RXRA: variants seen among roughly 807,000 people sequenced by gnomAD.
The protein encoded by RXRA is retinoid X receptor alpha, also known as retinoic acid receptor RXR-alpha.
Under a neutral mutation model 44.5 loss-of-function variants are expected in RXRA, and 5 were observed. The observed-to-expected ratio is 0.11, with a 90% confidence interval of 0.06 to 0.24. The LOEUF is 0.24. RXRA is among the 10% of genes least tolerant of loss of function. The pLI, the probability that RXRA is intolerant of heterozygous loss-of-function variation, is 1.00. For missense variants in RXRA, 412 were observed against 646.5 expected (o/e 0.64, Z 3.93); for synonymous variants, 291 against 271.4 (o/e 1.07, Z -0.71).
At chr9:134,358,729 A>G (rs1830314710) in intron 1 of RXRA, among the ~76,000 whole-genome samples, 1 of 152,024 alleles carries the variant, frequency 6.6e-6, no homozygotes, top group Middle Eastern at 3.2e-3. Context: ...TGCCTGAGAC[A>G]AGCAGTTTCC....
rs1229866982 is a variant in RXRA, at chr9:134,439,951, A to T, written c.*3337A>T. 1 of 152,418 alleles carries T rather than the reference A, an allele frequency of 6.6e-6. No individual in the cohort carries two copies. Among genetic ancestry groups the T allele is most frequent in the African/African-American group, 2.4e-5 (1 of 41,440 alleles). The allele number at this position is 152,418 out of a possible 1,614,324, so 9.4% of individuals were successfully genotyped here. A position where few individuals can be genotyped will look rare whatever the true frequency, so the allele number is the denominator to read the frequency against. On this transcript the variant is annotated 3_prime_UTR_variant, in exon 10 of 10. Coordinates refer to ENST00000481739, the MANE Select transcript of RXRA (RefSeq NM_002957.6). ...AGGCAGGAGATGCATCTATTTTAAG[A>T]TGCTTTGGAGCAGACAGCTTTAGCC...
intron 7 of RXRA, 137 bp downstream of exon 7, chr9:134,429,377 G>A (rs1831491857): frequency 1.8e-5 from 17 of 955,396 alleles, no homozygotes; most frequent in Non-Finnish European, 2.6e-5. Context: ...CATGGAAAAA[G>A]AGAAAAGCAT....
rs1830192092 is a variant in RXRA at position 134,349,272 on chromosome 9, C to G, written c.28+22613C>G. 1.3e-5 allele frequency among the ~76,000 whole-genome samples: 2 copies of G among 152,180 alleles called. No homozygotes were observed. The highest frequency in any genetic ancestry group is 4.1e-4 in the South Asian group (2 of 4,828). ...TTCCTCATGCTGGGCACATGGGGAGCCCTGCTGACCCCTGTTCTGCACCTG... is the reference window on the plus strand; with the variant it reads ...TTCCTCATGCTGGGCACATGGGGAGGCCTGCTGACCCCTGTTCTGCACCTG... On this transcript the variant is annotated intron_variant, in intron 1 of 9. Transcript: ENST00000481739. This position sits in a 1 kb window ranked among gnomAD's most constrained non-coding sequence, Gnocchi z 4.3.
chr9:134,374,799 A>G (rs1163985605), intron 1 of RXRA, among the ~76,000 whole-genome samples: 1 of 152,224 alleles, frequency 6.6e-6, no homozygotes, highest in Non-Finnish European at 1.5e-5. Flanking sequence ...ACAGCTTGGC[A>G]GTGCCTCGTG....
At chr9:134,424,049 C>T (rs1421806851) in intron 6 of RXRA, 1 of 985,308 alleles carries the variant, frequency 1.0e-6, no homozygotes. Context: ...CATGTTCTGG[C>T]AGCTTCTGGC....
chr9:134,423,097 C>G, intron 6 of RXRA: 1 of 985,420 alleles, frequency 1.0e-6, no homozygotes, highest in Non-Finnish European at 1.2e-6. Context: ...GCAGGCCCCC[C>G]GCAAAGCTGG....
At chr9:134,353,476 C>T (rs1000686201) in intron 1 of RXRA, among the ~76,000 whole-genome samples, 1 of 152,164 alleles carries the variant, frequency 6.6e-6, no homozygotes, top group East Asian at 1.9e-4. Flanking sequence ...TCATGTGGCC[C>T]GGCCACAGGC....
intron 1 of RXRA, among the ~76,000 whole-genome samples, chr9:134,336,350 G>A (rs1053325694): frequency 1.7e-4 from 26 of 152,326 alleles, no homozygotes; most frequent in African/African-American, 6.3e-4. Context: ...TAGCGGCAAC[G>A]TAGAGCTGGT....
intron 4 of RXRA, among the ~76,000 whole-genome samples, chr9:134,415,566 G>A (rs1256273974): frequency 2.0e-5 from 3 of 152,092 alleles, no homozygotes; most frequent in Non-Finnish European, 4.4e-5. Context: ...TAGAGGGGCT[G>A]GGATGAGCCC....
In RXRA at chr9:134,423,395, C is replaced by T. The variant is rs941153713; in HGVS notation, c.910+1590C>T. ...CTCAGCCCGACTGGGGAGCCTCAGC[C>T]CATACAAGGCGGCTCCTAAGTGGCA... On this transcript the variant is annotated intron_variant, in intron 6 of 9. Coordinates refer to ENST00000481739, the MANE Select transcript of RXRA (RefSeq NM_002957.6). 10 of 985,350 alleles carry T rather than the reference C, an allele frequency of 1.0e-5. No individual in the cohort carries two copies. The African/African-American group carries it at 1.6e-4, about 15-fold the overall frequency. The allele number at this position is 985,350 out of a possible 1,614,324, so 61.0% of individuals were successfully genotyped here.
intron 1 of RXRA, among the ~76,000 whole-genome samples, chr9:134,396,566 G>A (rs1830882866): frequency 6.6e-6 from 1 of 152,086 alleles, no homozygotes. Context: ...GCAGGGACCG[G>A]GAGCAGGCAG....
chr9:134,421,768 G>T lies in RXRA; in HGVS notation c.873G>T (p.Glu291Asp). 6.2e-7 allele frequency: 1 copy of T among 1,611,782 alleles called. No individual in the cohort carries two copies. The highest frequency in any genetic ancestry group is 8.5e-7 in the Non-Finnish European group (1 of 1,178,470). ...CCAAGCGGATCCCACACTTCTCAGA[G>T]CTGCCCCTGGACGACCAGGTCATCC... ...EWAKRIPHFS[E>D]LPLDDQVILL... Residue 291 changes from glutamate (E) to aspartate (D), a missense_variant, in exon 6 of 10, where the codon GAG becomes GAT. Transcript: ENST00000481739.
chr9:134,392,625 T>C (rs1588283379), intron 1 of RXRA, among the ~76,000 whole-genome samples: 1 of 152,096 alleles, frequency 6.6e-6, no homozygotes, highest in Non-Finnish European at 1.5e-5. Context: ...GATGGGTGGG[T>C]GACTCCGTCC....
chr9:134,421,885 C>T, intron 6 of RXRA, 80 bp downstream of exon 6: 1 of 1,564,590 alleles, frequency 6.4e-7, no homozygotes, highest in South Asian at 1.1e-5. Flanking sequence ...TCCCGGGATA[C>T]TCCGCACTCC....
rs550601910 is a variant in RXRA, at chr9:134,335,457, G to A, written c.28+8798G>A. On this transcript the variant is annotated intron_variant, in intron 1 of 9. Coordinates refer to ENST00000481739, the MANE Select transcript of RXRA (RefSeq NM_002957.6). Reference sequence around the variant, plus strand: ...TCCAGGGGGATCTGGTTCTAGCCAAGGGTATGGGGAAGGGATGCCCGTGCG... The same window carrying A: ...TCCAGGGGGATCTGGTTCTAGCCAAAGGTATGGGGAAGGGATGCCCGTGCG... 1.3e-3 allele frequency among the ~76,000 whole-genome samples: 201 copies of A among 152,310 alleles called. 1 individual carries two copies. The highest frequency in any genetic ancestry group is 4.6e-3 in the African/African-American group (193 of 41,576).
chr9:134,366,634 C>T lies in RXRA; in HGVS notation c.29-34998C>T, dbSNP rs1302210708. Among the ~76,000 whole-genome samples, 2 of 152,172 alleles carry T rather than the reference C, an allele frequency of 1.3e-5. No homozygotes were observed. The highest frequency in any genetic ancestry group is 2.9e-5 in the Non-Finnish European group (2 of 68,026). ...GGCCCCTCCACTAGTGGGCTTTGGC[C>T]TCCTCGTGAGGAGCTGGGTGGGGCT... On this transcript the variant is annotated intron_variant, in intron 1 of 9. Coordinates refer to ENST00000481739, the MANE Select transcript of RXRA (RefSeq NM_002957.6). This position sits in a 1 kb window ranked among gnomAD's most constrained non-coding sequence, Gnocchi z 5.9.
chr9:134,420,020 T>C (rs556678505), intron 5 of RXRA, among the ~76,000 whole-genome samples: 1 of 152,294 alleles, frequency 6.6e-6, no homozygotes, highest in African/African-American at 2.4e-5. Flanking sequence ...CTCTCCTTCC[T>C]ACCCATGGCA....
In RXRA at chr9:134,433,683, G is replaced by T. The variant is rs2119211844; in HGVS notation, c.1136-419G>T. On this transcript the variant is annotated intron_variant, in intron 8 of 9. Coordinates refer to ENST00000481739, the MANE Select transcript of RXRA (RefSeq NM_002957.6). This position sits in a 1 kb window ranked among gnomAD's most constrained non-coding sequence, Gnocchi z 4.2. ...TTCCGCAGGGTCTGGGTACTCCTGG[G>T]GGCAGCAGCGCTATCTCCCATCCAT... Among the ~76,000 whole-genome samples the T allele has an allele frequency of 6.6e-6, 1 of 152,286 alleles. No homozygotes were observed. The highest frequency in any genetic ancestry group is 2.4e-5 in the African/African-American group (1 of 41,548).
rs192959890 is a variant in RXRA at position 134,352,112 on chromosome 9, G to A, written c.28+25453G>A. ...GTCAGAGGCTGTCGAAGGCAGAGTC[G>A]GGCTGGGGTGCAGCAAGGGGAGGGT... On this transcript the variant is annotated intron_variant, in intron 1 of 9. Transcript: ENST00000481739. 2.6e-3 allele frequency among the ~76,000 whole-genome samples: 398 copies of A among 152,282 alleles called. 1 individual carries two copies. Among genetic ancestry groups the A allele is most frequent in the African/African-American group, 9.0e-3 (373 of 41,566 alleles).
Sources: gnomAD v4.1 joint callset for allele counts (sites outside exome capture counted in the v4.1 genomes callset) on GRCh38, gnomAD v4.1.1 for gene constraint, Gnocchi (gnomAD v3.1) non-coding constraint, MANE v1.5 for transcripts, NCBI Gene and HGNC (gene_info 2026-07-23, HGNC 2026-07-21) for gene names.